The following SPC25 variants were observed in gnomAD, a reference collection of about 807,000 sequenced individuals.
SPC25 encodes SPC25 component of NDC80 kinetochore complex.
Under a neutral mutation model 29.6 loss-of-function variants are expected in SPC25, and 22 were observed. The ratio of observed to expected loss-of-function variants is 0.74; its 90% confidence interval spans 0.53 to 1.06. The LOEUF is 1.06. Among genes scored for constraint, SPC25 ranks in the 50% least tolerant of loss-of-function variants. The probability of loss-of-function intolerance (pLI) is 0.00; values close to 1 mark genes in which losing one functional copy is unlikely to be tolerated. For missense variants in SPC25, 230 were observed against 255.8 expected (o/e 0.90, Z 0.69); for synonymous variants, 91 against 90.4 (o/e 1.01, Z -0.04).
chr2:168,872,210 C>T (rs1315544752), intron 6 of SPC25, among the ~76,000 whole-genome samples: 1 of 152,168 alleles, frequency 6.6e-6, no homozygotes, highest in Non-Finnish European at 1.5e-5. Context: ...TCAAGTGATC[C>T]GCCTGCCTCT....
chr2:168,870,603 A>G (rs1689961017), downstream of SPC25, among the ~76,000 whole-genome samples: 2 of 151,830 alleles, frequency 1.3e-5, no homozygotes, highest in Non-Finnish European at 1.5e-5. Context: ...ATCACATGAA[A>G]AAATGCTCAT....
chr2:168,867,915 C>T (rs1400198443), downstream of SPC25, among the ~76,000 whole-genome samples: 11 of 152,220 alleles, frequency 7.2e-5, no homozygotes, highest in Non-Finnish European at 1.3e-4. Flanking sequence ...TTTTCAGCAC[C>T]ACACCACACC....
At chr2:168,878,845 C>T (rs532078633) in intron 3 of SPC25, among the ~76,000 whole-genome samples, 13 of 152,204 alleles carry the variant, frequency 8.5e-5, no homozygotes, top group African/African-American at 2.6e-4. Context: ...TACTGGCATA[C>T]GTTGGAGATA....
At chr2:168,877,448 G>C in intron 3 of SPC25, 64 bp from the exon 4 acceptor site, 1 of 1,562,720 alleles carries the variant, frequency 6.4e-7, no homozygotes, top group Non-Finnish European at 8.7e-7. Flanking sequence ...CTAAGAAAAG[G>C]CCAAAGTTTA....
At chr2:168,879,249 T>C (rs1234307068) in intron 3 of SPC25, among the ~76,000 whole-genome samples, 2 of 152,224 alleles carry the variant, frequency 1.3e-5, no homozygotes, top group East Asian at 3.8e-4. Context: ...CATACAATGA[T>C]GTTTGACAGC....
chr2:168,883,819 G>T (rs1217950544), intron 3 of SPC25, among the ~76,000 whole-genome samples: 3 of 148,456 alleles, frequency 2.0e-5, no homozygotes, highest in Non-Finnish European at 3.0e-5. Context: ...TCGCCAGGCT[G>T]CAGTGCAGTG....
chr2:168,867,193 C>G (rs541523591), downstream of SPC25, among the ~76,000 whole-genome samples: 1 of 152,086 alleles, frequency 6.6e-6, no homozygotes, highest in Non-Finnish European at 1.5e-5. Flanking sequence ...TATTGCAGCA[C>G]TATTCACAAT....
At chr2:168,865,130 A>C (rs62176770) in intron 4 of SPC25, 1 of 763,086 alleles carries the variant, frequency 1.3e-6, no homozygotes, top group Non-Finnish European at 2.0e-6. Context: ...ATTAGCTTGA[A>C]ACAGTCAGAA....
In SPC25 at chr2:168,871,550, CTG is replaced by C; in HGVS notation, c.554_555del (p.Ser185Ter). On this transcript the variant is annotated frameshift_variant, in exon 7 of 7. Transcript: ENST00000282074. LOFTEE classifies it high-confidence loss of function. Reference protein sequence around the residue: ...HLNEARDYEVSDSAPHLEGLA... With the variant: ...HLNEARDYEVXDSAPHLEGLA... Reference sequence around the variant, plus strand: ...AGGCCCTCAAGATGAGGGGCACTATCTGACACTAGAAAAAAAAAAAAAAGAAA... The same window carrying C: ...AGGCCCTCAAGATGAGGGGCACTATCACACTAGAAAAAAAAAAAAAAGAAA... 1 of 1,506,546 alleles carries C rather than the reference CTG, an allele frequency of 6.6e-7. No individual in the cohort carries two copies. Among genetic ancestry groups the C allele is most frequent in the Middle Eastern group, 1.8e-4 (1 of 5,712 alleles). 93.3% of individuals were successfully genotyped at this position (1,506,546 alleles called of 1,614,324 possible).
chr2:168,888,228 G>A lies in SPC25; in HGVS notation c.199+998C>T, dbSNP rs1197524086. On this transcript the variant is annotated intron_variant, in intron 3 of 6. Transcript: ENST00000282074. ...GGAGGTCGAGGCTGAAATGAGCCTA[G>A]ATCATGCCACTGCACCCCAGCCTGG... 3.9e-5 allele frequency among the ~76,000 whole-genome samples: 6 copies of A among 152,254 alleles called. No homozygotes were observed. The East Asian group carries it at 1.2e-3, about 29-fold the overall frequency.
intron 3 of SPC25, among the ~76,000 whole-genome samples, chr2:168,882,097 T>C (rs1198452396): frequency 6.6e-6 from 1 of 152,230 alleles, no homozygotes; most frequent in Admixed American, 6.5e-5. Context: ...TATTTTATGC[T>C]TCTAAATATT....
intron 3 of SPC25, among the ~76,000 whole-genome samples, chr2:168,889,024 C>CATATATGT (rs1690332757): frequency 5.8e-5 from 3 of 51,516 alleles, no homozygotes; most frequent in Admixed American, 1.9e-4. Flanking sequence ...TATATATACA[C>CATATATGT]ATATATATAC....
intron 3 of SPC25, among the ~76,000 whole-genome samples, chr2:168,886,524 C>CTTTTTT (rs112769874): frequency 7.0e-6 from 1 of 143,880 alleles, no homozygotes; most frequent in African/African-American, 2.5e-5. Context: ...AAACTGATTT[C>CTTTTTT]TTTTTTTTTT....
downstream of SPC25, chr2:168,870,841 GCCC>G (rs1689965525): frequency 6.6e-6 from 1 of 151,444 alleles, no homozygotes; most frequent in East Asian, 1.9e-4. Context: ...ATTTGACCCA[GCCC>G]TCCCATTATT....
intron 3 of SPC25, among the ~76,000 whole-genome samples, chr2:168,888,936 T>C (rs928551441): frequency 6.2e-5 from 4 of 64,462 alleles, no homozygotes; most frequent in African/African-American, 3.4e-4. Context: ...TGTGTGTGTG[T>C]GTGTGTGTGT....
intron 6 of SPC25, 22 bp downstream of exon 6, chr2:168,873,563 G>T: frequency 6.6e-7 from 1 of 1,521,718 alleles, no homozygotes; most frequent in Non-Finnish European, 9.1e-7. Flanking sequence ...TTAAATACCA[G>T]TTAGGAGATA....
At position 168,888,972 on chromosome 2, in the gene SPC25, T is replaced by TACACACAC. The variant is rs1553539509; in HGVS notation, c.199+246_199+253dup. Reference sequence around the variant, plus strand: ...GTGTGTGTGTGTATATATATATATATACACACACACATATATATGTATATA... The same window carrying TACACACAC: ...GTGTGTGTGTGTATATATATATATATACACACACACACACACACATATATATGTATATA... On this transcript the variant is annotated intron_variant, in intron 3 of 6. Transcript: ENST00000282074. Among the ~76,000 whole-genome samples the TACACACAC allele has an allele frequency of 2.0e-4, 21 of 103,274 alleles. 1 individual carries two copies. Among genetic ancestry groups the TACACACAC allele is most frequent in the African/African-American group, 7.5e-4 (17 of 22,674 alleles). The allele number at this position is 103,274 out of a possible 152,430, so 67.8% of individuals were successfully genotyped here.
At chr2:168,864,954 C>G in intron 4 of SPC25, 1 of 1,614,080 alleles carries the variant, frequency 6.2e-7, no homozygotes, top group Non-Finnish European at 8.5e-7. Context: ...GCTGGCAACA[C>G]AGCTACAAAG....
chr2:168,878,146 A>G (rs964581390), intron 3 of SPC25, among the ~76,000 whole-genome samples: 5 of 152,228 alleles, frequency 3.3e-5, no homozygotes, highest in Non-Finnish European at 7.3e-5. Flanking sequence ...TGTAAGCATA[A>G]TTCTAAAGCT....
Sources: gnomAD v4.1 joint callset for allele counts (sites outside exome capture counted in the v4.1 genomes callset) on GRCh38, gnomAD v4.1.1 for gene constraint, MANE v1.5 for transcripts, NCBI Gene and HGNC (gene_info 2026-07-23, HGNC 2026-07-21) for gene names.